The following ACACB variants were observed in gnomAD, a reference collection of about 807,000 sequenced individuals.
The protein encoded by ACACB is acetyl-CoA carboxylase 2.
A neutral mutation model predicts 278.8 loss-of-function variants in ACACB; 209 were observed. The ratio of observed to expected loss-of-function variants is 0.75; its 90% confidence interval spans 0.67 to 0.84. The LOEUF (loss-of-function observed/expected upper bound fraction) is 0.84, where lower values mean the gene tolerates loss of function less well. ACACB is among the 40% of genes least tolerant of loss of function. The pLI, the probability that ACACB is intolerant of heterozygous loss-of-function variation, is 0.00. For missense variants in ACACB, 2,850 were observed against 3,269.0 expected, an observed-to-expected ratio of 0.87 and a Z score of 3.13; for synonymous variants, 1,174 against 1,285.6, an observed-to-expected ratio of 0.91 and a Z score of 1.86.
rs980728534 is a variant in ACACB, at chr12:109,235,627, A to T, written c.4426A>T (p.Thr1476Ser). 1.1e-5 allele frequency: 18 copies of T among 1,613,126 alleles called. No homozygotes were observed. In the Admixed American group the frequency reaches 1.2e-4, roughly 10 times the overall value. Residue 1476 changes from threonine to serine, a missense_variant, in exon 33 of 53, where the codon ACA (threonine) becomes TCA (serine). Transcript: ENST00000338432. ...AQEKEFPKFF[T>S]FRARDEFAED... Reference sequence around the variant, plus strand: ...GCAGAAAGAATTTCCCAAGTTTTTCACATTCAGAGCAAGAGATGAGGTATG... The same window carrying T: ...GCAGAAAGAATTTCCCAAGTTTTTCTCATTCAGAGCAAGAGATGAGGTATG...
chr12:109,185,658 T>C lies in ACACB; in HGVS notation c.1898T>C (p.Ile633Thr), dbSNP rs2044630952. 1.9e-6 allele frequency: 3 copies of C among 1,613,820 alleles called. No individual in the cohort carries two copies. Among genetic ancestry groups the C allele is most frequent in the Non-Finnish European group, 2.5e-6 (3 of 1,179,944 alleles). The part of the protein sequence containing the change: ...YGESPWGVTP[I>T]SFETPSNPPL... The stretch of plus-strand genomic sequence containing the variant: ...GAGTCACCATGGGGAGTGACTCCCA[T>C]TTCTTTTGAAACCCCCTCAAACCCT... The change falls in exon 12 of 53, where the codon ATT becomes ACT. Residue 633 changes from isoleucine to threonine, a missense_variant. This residue lies in a region of ACACB where 2,265 missense variants were observed against 2,561.3 expected (regional missense o/e 0.88). Transcript: ENST00000338432.
In ACACB at chr12:109,145,259, A is replaced by G. The variant is rs560404331; in HGVS notation, c.653+5201A>G. ...CGTTTTGGTTTGGTCTGTAGGGGCTAAGCACAGGAGCTCAGCTCAAAATCA... is the reference window on the plus strand; with the variant it reads ...CGTTTTGGTTTGGTCTGTAGGGGCTGAGCACAGGAGCTCAGCTCAAAATCA... On this transcript the variant is annotated intron_variant, in intron 2 of 52. Transcript: ENST00000338432. Among the ~76,000 whole-genome samples the G allele has an allele frequency of 2.0e-5, 3 of 152,308 alleles. No individual in the cohort carries two copies. In the South Asian group the frequency reaches 6.2e-4, roughly 32 times the overall value.
chr12:109,174,009 A>G (rs1188303213), intron 6 of ACACB, 123 bp from the exon 7 acceptor site: 7 of 710,982 alleles, frequency 9.8e-6, no homozygotes, highest in Non-Finnish European at 1.6e-5. Context: ...AGCTGGGACC[A>G]GAGAATTTTC....
intron 38 of ACACB, 63 bp downstream of exon 38, chr12:109,245,811 A>T: frequency 1.3e-6 from 2 of 1,584,002 alleles, no homozygotes; most frequent in Non-Finnish European, 1.7e-6. Flanking sequence ...TTTTTGGGCC[A>T]GGTGCAGTAG....
intron 16 of ACACB, 117 bp from the exon 17 acceptor site, chr12:109,196,891 T>C: frequency 1.7e-6 from 2 of 1,170,066 alleles, no homozygotes; most frequent in Non-Finnish European, 2.3e-6. Flanking sequence ...GAGACGGGGG[T>C]GTTCATCTTG....
intron 1 of ACACB, among the ~76,000 whole-genome samples, chr12:109,122,899 T>C (rs2042584055): frequency 6.6e-6 from 1 of 152,044 alleles, no homozygotes; most frequent in Admixed American, 6.6e-5. Context: ...TAAAAAAATT[T>C]AAGCTGGGTG....
intron 21 of ACACB, among the ~76,000 whole-genome samples, chr12:109,210,044 T>C (rs1444406829): frequency 1.1e-5 from 1 of 93,544 alleles, no homozygotes; most frequent in Non-Finnish European, 2.5e-5. Context: ...TGTATATGTG[T>C]ATATATACAC....
intron 1 of ACACB, among the ~76,000 whole-genome samples, chr12:109,119,531 C>T (rs568112014): frequency 5.4e-4 from 81 of 150,592 alleles, no homozygotes; most frequent in African/African-American, 1.8e-3. Flanking sequence ...TGGAGCTTGC[C>T]GTGAACCGAG....
At chr12:109,201,493 G>T (rs1263894554) in intron 18 of ACACB, 74 bp from the exon 19 acceptor site, 6 of 1,575,652 alleles carry the variant, frequency 3.8e-6, no homozygotes, top group South Asian at 1.1e-5. Flanking sequence ...CCCTGCTCCG[G>T]CATCACTAGT....
intron 11 of ACACB, among the ~76,000 whole-genome samples, chr12:109,183,959 C>G (rs936954759): frequency 1.3e-5 from 2 of 151,856 alleles, no homozygotes; most frequent in Admixed American, 6.6e-5. Flanking sequence ...AAGAATGATA[C>G]AATTAATACC....
chr12:109,189,968 G>A (rs946120180), intron 13 of ACACB, among the ~76,000 whole-genome samples: 4 of 151,972 alleles, frequency 2.6e-5, no homozygotes, highest in East Asian at 1.9e-4. Flanking sequence ...GAAATTAGCC[G>A]GGCATCCTGG....
rs567503487 is a variant in ACACB, at chr12:109,200,954, GT to G, written c.2779-612del. Among the ~76,000 whole-genome samples the G allele has an allele frequency of 4.9e-3, 739 of 152,236 alleles. 8 individuals carry two copies. The highest frequency in any genetic ancestry group is 0.017 in the African/African-American group (713 of 41,518). On this transcript the variant is annotated intron_variant, in intron 18 of 52. Transcript: ENST00000338432. ...ACTTCTGAAGATCACAGAGGTATTG[GT>G]GGGGGCAGTTCCTGGGATTCTAGTC...
intron 9 of ACACB, 89 bp downstream of exon 9, chr12:109,176,352 C>A: frequency 8.2e-7 from 1 of 1,214,106 alleles, no homozygotes; most frequent in African/African-American, 1.5e-5. Context: ...TATTCTGTGA[C>A]AGTCAAGAAG....
chr12:109,137,481 G>A (rs1013309316), intron 1 of ACACB, among the ~76,000 whole-genome samples: 3 of 152,038 alleles, frequency 2.0e-5, no homozygotes, highest in African/African-American at 4.8e-5. Context: ...CCAACATGGT[G>A]AAACCCCATC....
intron 7 of ACACB, among the ~76,000 whole-genome samples, chr12:109,175,703 G>A (rs1195850840): frequency 6.6e-6 from 1 of 152,176 alleles, no homozygotes; most frequent in Non-Finnish European, 1.5e-5. Context: ...ATAAGCATGA[G>A]CCACCACGCC....
At chr12:109,153,336 C>T (rs1467398551) in intron 2 of ACACB, among the ~76,000 whole-genome samples, 1 of 152,120 alleles carries the variant, frequency 6.6e-6, no homozygotes, top group African/African-American at 2.4e-5. Context: ...TTATAGGATA[C>T]ATGTAAAATT....
At position 109,201,549 on chromosome 12, in the gene ACACB, C is replaced by T; in HGVS notation, c.2779-18C>T. On this transcript the variant is annotated intron_variant, in intron 18 of 52. Coordinates refer to ENST00000338432, the MANE Select transcript of ACACB (RefSeq NM_001093.4). ...AATCCCGGTGGGCTCTGTACTATTT[C>T]TTCTTTTTACGAAATAGGTGATGAA... The T allele has an allele frequency of 6.2e-7, 1 of 1,613,808 alleles. No individual in the cohort carries two copies. The highest frequency in any genetic ancestry group is 8.5e-7 in the Non-Finnish European group (1 of 1,179,858).
intron 2 of ACACB, among the ~76,000 whole-genome samples, chr12:109,165,655 T>C (rs368823350): frequency 2.4e-4 from 36 of 152,336 alleles, no homozygotes; most frequent in African/African-American, 6.5e-4. Flanking sequence ...TGAATAATGA[T>C]CACAAACTTC....
chr12:109,241,078 A>G lies in ACACB; in HGVS notation c.4819A>G (p.Ile1607Val), dbSNP rs1281495349. The G allele has an allele frequency of 6.2e-7, 1 of 1,613,676 alleles. No individual in the cohort carries two copies. Among genetic ancestry groups the G allele is most frequent in the East Asian group, 2.2e-5 (1 of 44,866 alleles). ...CTGGAATTGCTGTGTTTTGGGGCAG[A>G]TCGAGGAGTCCGTGCGCTACATGGT... ...VPTVIMDPFKIEESVRYMVMR... is the reference protein window; with the variant it reads ...VPTVIMDPFKVEESVRYMVMR... Residue 1607 changes from isoleucine (I) to valine (V), a missense_variant and splice_region_variant, in exon 36 of 53, where the codon ATC becomes GTC. Physicochemically the swap from Ile to Val is conservative, Grantham distance 29. Transcript: ENST00000338432.
Sources: allele counts gnomAD v4.1 joint callset (sites outside exome capture counted in the v4.1 genomes callset), GRCh38; gene constraint gnomAD v4.1.1; regional missense constraint gnomAD v4.1.1; transcripts MANE v1.5; gene names NCBI Gene and HGNC (gene_info 2026-07-23, HGNC 2026-07-21).